Variants in RPH3A observed in about 807,000 individuals in gnomAD.
The protein encoded by RPH3A is rabphilin 3A.
RPH3A carries 48 observed loss-of-function variants against 102.2 expected under a neutral mutation model. That is an observed-to-expected ratio of 0.47 (90% CI 0.37 to 0.60). The LOEUF is 0.60. RPH3A is among the 20% of genes least tolerant of loss of function. The pLI, the probability that RPH3A is intolerant of heterozygous loss-of-function variation, is 0.00. For synonymous variants in RPH3A, 310 were observed against 324.3 expected (o/e 0.96, Z 0.47); for missense variants, 781 against 910.1 (o/e 0.86, Z 1.83).
intron 17 of RPH3A, among the ~76,000 whole-genome samples, chr12:112,888,469 A>G (rs1408123464): frequency 1.3e-5 from 2 of 152,250 alleles, no homozygotes; most frequent in South Asian, 2.1e-4. Context: ...AGCAGACAGC[A>G]TAGCCTAGAG....
chr12:112,813,295 T>A (rs1302768917), intron 2 of RPH3A: 1 of 152,182 alleles, frequency 6.6e-6, no homozygotes, highest in Non-Finnish European at 1.5e-5. Context: ...TCTACAGTAC[T>A]TGATGTTTTG....
At chr12:112,822,672 G>A (rs1385227998) in intron 2 of RPH3A, among the ~76,000 whole-genome samples, 1 of 152,192 alleles carries the variant, frequency 6.6e-6, no homozygotes, top group Non-Finnish European at 1.5e-5. Flanking sequence ...CAGCTATCCA[G>A]TGCTTATTAT....
rs141186674 is a variant in RPH3A, at chr12:112,738,094, C to T, written c.-139-54049C>T. Among the ~76,000 whole-genome samples the T allele has an allele frequency of 1.9e-3, 287 of 152,304 alleles. 2 individuals carry two copies. The highest frequency in any genetic ancestry group is 5.7e-3 in the African/African-American group (239 of 41,576). On this transcript the variant is annotated intron_variant, in intron 1 of 21. Transcript: ENST00000543106. The stretch of plus-strand genomic sequence containing the variant: ...CAGCAATCCTTGGCATTGCTAGTCT[C>T]GTAGCTTTGCCTCAAATCTCTGCCT...
intron 1 of RPH3A, among the ~76,000 whole-genome samples, chr12:112,580,194 C>T (rs1029245715): frequency 1.3e-5 from 2 of 151,678 alleles, no homozygotes; most frequent in Non-Finnish European, 2.9e-5. Context: ...ATCATTTTGT[C>T]CCTGTTCTCC....
intron 1 of RPH3A, among the ~76,000 whole-genome samples, chr12:112,678,283 A>AAGAGAGAGAG (rs2040198089): frequency 1.1e-4 from 5 of 46,852 alleles, no homozygotes; most frequent in African/African-American, 6.9e-4. Context: ...GAAAGAAAGA[A>AAGAGAGAGAG]AGAAAGAAAG....
At chr12:112,700,172 C>T (rs1033186368) in intron 1 of RPH3A, among the ~76,000 whole-genome samples, 6 of 151,832 alleles carry the variant, frequency 4.0e-5, no homozygotes, top group South Asian at 2.1e-4. Context: ...CGGGTTCAAG[C>T]GATTCTCCTG....
At chr12:112,827,489 A>G (rs2041898037) in intron 2 of RPH3A, among the ~76,000 whole-genome samples, 1 of 152,202 alleles carries the variant, frequency 6.6e-6, no homozygotes, top group African/African-American at 2.4e-5. Context: ...TGTGGTTATT[A>G]TGAATAATGA....
At chr12:112,870,075 G>A in intron 10 of RPH3A, 36 bp downstream of exon 10, 1 of 1,569,554 alleles carries the variant, frequency 6.4e-7, no homozygotes, top group African/African-American at 1.4e-5. Context: ...ACAGTTCTCT[G>A]GATAGGGAGA....
intron 1 of RPH3A, among the ~76,000 whole-genome samples, chr12:112,630,070 A>C (rs1228418730): frequency 1.3e-5 from 2 of 152,026 alleles, no homozygotes; most frequent in Admixed American, 6.6e-5. Flanking sequence ...TTTTGCCTTC[A>C]TAGGGTAATA....
At chr12:112,681,185 C>G (rs972326025) in intron 1 of RPH3A, among the ~76,000 whole-genome samples, 1 of 152,146 alleles carries the variant, frequency 6.6e-6, no homozygotes, top group African/African-American at 2.4e-5. Context: ...AGCCAGAATC[C>G]CCTGTATGAT....
In RPH3A at chr12:112,897,959, C is replaced by T. The variant is rs1000367055; in HGVS notation, c.*1179C>T. Reference sequence around the variant, plus strand: ...CTCCAGCCTTTCTCCTTTCTCCGCTCTTAGGTAAATGAACAAGCTACCCTC... The same window carrying T: ...CTCCAGCCTTTCTCCTTTCTCCGCTTTTAGGTAAATGAACAAGCTACCCTC... On this transcript the variant is annotated 3_prime_UTR_variant, in exon 22 of 22. Transcript: ENST00000389385. 2 of 152,354 alleles carry T rather than the reference C, an allele frequency of 1.3e-5. No individual in the cohort carries two copies. Among genetic ancestry groups the T allele is most frequent in the African/African-American group, 2.4e-5 (1 of 41,452 alleles). 9.4% of individuals were successfully genotyped at this position (152,354 alleles called of 1,614,324 possible). A position where few individuals can be genotyped will look rare whatever the true frequency, so the allele number is the denominator to read the frequency against.
At chr12:112,715,331 C>G (rs1028401701) in intron 1 of RPH3A, among the ~76,000 whole-genome samples, 1 of 152,126 alleles carries the variant, frequency 6.6e-6, no homozygotes, top group African/African-American at 2.4e-5. Context: ...TTCTCTCTGT[C>G]CTATCACATT....
chr12:112,719,990 C>T (rs1023701998), intron 1 of RPH3A, among the ~76,000 whole-genome samples: 1 of 152,218 alleles, frequency 6.6e-6, no homozygotes, highest in African/African-American at 2.4e-5. Context: ...TCCTTCTCCC[C>T]ATTGCACCAA....
chr12:112,789,319 C>T (rs542028183), upstream of RPH3A, among the ~76,000 whole-genome samples: 2 of 152,194 alleles, frequency 1.3e-5, no homozygotes, highest in South Asian at 2.1e-4. Flanking sequence ...CGTCTCTGGT[C>T]CCGAGTTTCT....
At chr12:112,775,843 A>G (rs556700712) in intron 1 of RPH3A, among the ~76,000 whole-genome samples, 2 of 152,362 alleles carry the variant, frequency 1.3e-5, no homozygotes, top group African/African-American at 4.8e-5. Flanking sequence ...AAGGTTGCAA[A>G]GAAACATGGT....
intron 1 of RPH3A, among the ~76,000 whole-genome samples, chr12:112,757,853 G>A (rs1187172987): frequency 1.3e-5 from 2 of 152,162 alleles, no homozygotes; most frequent in African/African-American, 2.4e-5. Context: ...CTGGATGGAA[G>A]GTGTCACACT....
intron 1 of RPH3A, among the ~76,000 whole-genome samples, chr12:112,769,553 T>A (rs1044913904): frequency 1.3e-5 from 2 of 152,244 alleles, no homozygotes; most frequent in African/African-American, 4.8e-5. Context: ...AAAACATTTA[T>A]CTCCTCATTG....
At chr12:112,812,755 A>G (rs996011032) in intron 2 of RPH3A, among the ~76,000 whole-genome samples, 3 of 152,036 alleles carry the variant, frequency 2.0e-5, no homozygotes, top group Admixed American at 6.6e-5. Flanking sequence ...ATTCACTAAA[A>G]CTGGGGAGAG....
chr12:112,594,866 C>T (rs111698747), intron 1 of RPH3A, among the ~76,000 whole-genome samples: 3 of 152,322 alleles, frequency 2.0e-5, no homozygotes, highest in African/African-American at 7.2e-5. Flanking sequence ...TGAGCACTCG[C>T]TATATTCCAG....
Sources: allele counts gnomAD v4.1 joint callset (sites outside exome capture counted in the v4.1 genomes callset), GRCh38; gene constraint gnomAD v4.1.1; transcripts MANE v1.5; gene names NCBI Gene and HGNC (gene_info 2026-07-23, HGNC 2026-07-21).